DPP10: variants seen among roughly 807,000 people sequenced by gnomAD.
DPP10 encodes the protein inactive dipeptidyl peptidase 10.
DPP10 carries 33 observed loss-of-function variants against 120.9 expected under a neutral mutation model. That is an observed-to-expected ratio of 0.27 (90% CI 0.21 to 0.37). DPP10 has a LOEUF of 0.37. DPP10 is among the 10% of genes least tolerant of loss of function. DPP10 has a pLI of 1.00. For missense variants in DPP10, 816 were observed against 942.8 expected (o/e 0.87, Z 1.76); for synonymous variants, 337 against 326.1 (o/e 1.03, Z -0.36).
chr2:114,818,691 T>C (rs1685840448), intron 1 of DPP10, among the ~76,000 whole-genome samples: 1 of 152,156 alleles, frequency 6.6e-6, no homozygotes, highest in African/African-American at 2.4e-5. Context: ...TTTCAGTCGG[T>C]GTCGCTGTTC....
At chr2:114,639,981 G>A (rs1695590592) in intron 1 of DPP10, among the ~76,000 whole-genome samples, 1 of 151,702 alleles carries the variant, frequency 6.6e-6, no homozygotes, top group Non-Finnish European at 1.5e-5. Context: ...GTTCTTCACT[G>A]TTTCTAAAGC....
intron 1 of DPP10, among the ~76,000 whole-genome samples, chr2:115,289,207 G>C (rs754335316): frequency 2.0e-5 from 3 of 151,918 alleles, no homozygotes; most frequent in Non-Finnish European, 4.4e-5. Flanking sequence ...GGAAAAAAAT[G>C]AAATACCTAG....
At chr2:114,869,279 T>A (rs1439306305) in intron 1 of DPP10, among the ~76,000 whole-genome samples, 1 of 152,180 alleles carries the variant, frequency 6.6e-6, no homozygotes, top group Non-Finnish European at 1.5e-5. Flanking sequence ...TACTTAATTG[T>A]GAAATGCTCC....
intron 1 of DPP10, among the ~76,000 whole-genome samples, chr2:115,138,049 T>C (rs1294997268): frequency 6.6e-6 from 1 of 152,184 alleles, no homozygotes; most frequent in Non-Finnish European, 1.5e-5. Flanking sequence ...TTAAGATGAA[T>C]ATTACAAAGC....
chr2:114,927,909 G>A (rs559704765), intron 1 of DPP10, among the ~76,000 whole-genome samples: 2 of 152,240 alleles, frequency 1.3e-5, no homozygotes, highest in South Asian at 2.1e-4. Context: ...CAAGTAGGGG[G>A]AGTAGGGGGA....
chr2:115,734,730 A>G (rs1575629377), intron 8 of DPP10, among the ~76,000 whole-genome samples: 1 of 150,678 alleles, frequency 6.6e-6, no homozygotes, highest in East Asian at 2.0e-4. Context: ...ATATATATAC[A>G]CACACACGTA....
chr2:114,507,050 CTTTT>C (rs1227607834), intron 1 of DPP10, among the ~76,000 whole-genome samples: 2 of 124,764 alleles, frequency 1.6e-5, no homozygotes. Flanking sequence ...CTTTTTTTTT[CTTTT>C]TTTTTTTTTT....
intron 5 of DPP10, among the ~76,000 whole-genome samples, chr2:115,548,835 T>C (rs1353695239): frequency 1.3e-5 from 2 of 152,160 alleles, no homozygotes; most frequent in Non-Finnish European, 2.9e-5. Context: ...TCTGTGGAAA[T>C]GTGGCAGTGG....
At chr2:114,521,975 T>C (rs1685096377) in intron 1 of DPP10, among the ~76,000 whole-genome samples, 1 of 108,714 alleles carries the variant, frequency 9.2e-6, no homozygotes, top group Non-Finnish European at 2.1e-5. Context: ...GCCCGGCTAA[T>C]TTTTTGTATT....
At chr2:115,064,440 C>T (rs958734521) in intron 1 of DPP10, 2 of 218,102 alleles carry the variant, frequency 9.2e-6, no homozygotes, top group Admixed American at 9.0e-5. Flanking sequence ...CCCCCAGAAG[C>T]TATATGACTG....
At chr2:115,560,597 A>G (rs2080582058) in intron 5 of DPP10, among the ~76,000 whole-genome samples, 1 of 148,768 alleles carries the variant, frequency 6.7e-6, no homozygotes, top group African/African-American at 2.5e-5. Flanking sequence ...GTAGTTTGGT[A>G]GTTTCTGCTG....
At chr2:115,573,198 G>C (rs1378791878) in intron 5 of DPP10, among the ~76,000 whole-genome samples, 2 of 152,004 alleles carry the variant, frequency 1.3e-5, no homozygotes, top group Non-Finnish European at 2.9e-5. Flanking sequence ...AGATGTAAAG[G>C]GGAGAACTAT....
chr2:115,296,265 G>A (rs1406846530), intron 1 of DPP10, among the ~76,000 whole-genome samples: 1 of 151,968 alleles, frequency 6.6e-6, no homozygotes, highest in Non-Finnish European at 1.5e-5. Flanking sequence ...GATGCTCGGC[G>A]GCCTCTAAAG....
chr2:114,987,158 A>G (rs1390507799), intron 1 of DPP10, among the ~76,000 whole-genome samples: 2 of 152,166 alleles, frequency 1.3e-5, no homozygotes, highest in African/African-American at 4.8e-5. Flanking sequence ...CTATACACTT[A>G]TATCAGTGAT....
At chr2:115,470,296 T>C (rs1299690792) in intron 3 of DPP10, among the ~76,000 whole-genome samples, 6 of 152,166 alleles carry the variant, frequency 3.9e-5, no homozygotes, top group African/African-American at 1.2e-4. Context: ...GGTAAAACTG[T>C]TTCTGTTACA....
chr2:115,763,027 A>T (rs1680298138), intron 12 of DPP10, among the ~76,000 whole-genome samples: 2 of 152,204 alleles, frequency 1.3e-5, no homozygotes, highest in Admixed American at 1.3e-4. Flanking sequence ...TCTAGCTCAC[A>T]ATTCTAGTTT....
chr2:115,592,804 A>G (rs1197694656), intron 5 of DPP10, among the ~76,000 whole-genome samples: 2 of 152,014 alleles, frequency 1.3e-5, no homozygotes, highest in Non-Finnish European at 2.9e-5. Flanking sequence ...AAAAAACTGA[A>G]AAGTCCTGGG....
intron 1 of DPP10, among the ~76,000 whole-genome samples, chr2:114,510,839 C>T (rs1229192915): frequency 6.6e-6 from 1 of 152,202 alleles, no homozygotes; most frequent in Non-Finnish European, 1.5e-5. Context: ...TCCTGGCCTA[C>T]AGTGAAGTGA....
At chr2:115,355,471 G>C (rs781278482) in intron 3 of DPP10, among the ~76,000 whole-genome samples, 17 of 151,862 alleles carry the variant, frequency 1.1e-4, no homozygotes, top group Admixed American at 4.6e-4. Flanking sequence ...TTGTCAGATG[G>C]GTATATTGCA....
Sources: allele counts gnomAD v4.1 joint callset (sites outside exome capture counted in the v4.1 genomes callset), GRCh38; gene constraint gnomAD v4.1.1; transcripts MANE v1.5; gene names NCBI Gene and HGNC (gene_info 2026-07-23, HGNC 2026-07-21).